The following DEPTOR variants were observed in gnomAD, a reference collection of about 807,000 sequenced individuals.
DEPTOR encodes the protein DEP domain-containing mTOR-interacting protein.
DEPTOR carries 41 observed loss-of-function variants against 41.6 expected under a neutral mutation model. That is an observed-to-expected ratio of 0.98 (90% CI 0.77 to 1.28). DEPTOR has a LOEUF of 1.28. DEPTOR is among the 50% of genes most tolerant of loss of function. The pLI, the probability that DEPTOR is intolerant of heterozygous loss-of-function variation, is 0.00. For synonymous variants in DEPTOR, 195 were observed against 192.3 expected (o/e 1.01, Z -0.12); for missense variants, 514 against 527.9 (o/e 0.97, Z 0.26).
chr8:120,029,608 C>T (rs1210460033), intron 8 of DEPTOR, among the ~76,000 whole-genome samples: 7 of 152,106 alleles, frequency 4.6e-5, no homozygotes, highest in Non-Finnish European at 8.8e-5. Flanking sequence ...ATTGGTCAGG[C>T]TGGTCTTGAA....
rs941174167 is a variant in DEPTOR at position 120,022,672 on chromosome 8, A to G, written c.1101+13539A>G. On this transcript the variant is annotated intron_variant, in intron 8 of 8. Coordinates refer to ENST00000286234, the MANE Select transcript of DEPTOR (RefSeq NM_022783.4). Reference sequence around the variant, plus strand: ...CTAGATAAGTCCTAAAATTGTCCCCACTTTTTGTTTTTTTATTTATTTAAT... The same window carrying G: ...CTAGATAAGTCCTAAAATTGTCCCCGCTTTTTGTTTTTTTATTTATTTAAT... 2.0e-5 allele frequency among the ~76,000 whole-genome samples: 3 copies of G among 149,650 alleles called. No individual in the cohort carries two copies. The East Asian group carries it at 5.9e-4, about 30-fold the overall frequency.
chr8:119,977,065 AT>A (rs1330421533), intron 4 of DEPTOR, among the ~76,000 whole-genome samples: 1 of 152,086 alleles, frequency 6.6e-6, no homozygotes, highest in African/African-American at 2.4e-5. Flanking sequence ...CAGGGGTGCA[AT>A]CTTGGCTCAC....
chr8:119,894,693 G>C (rs1163022311), intron 1 of DEPTOR, among the ~76,000 whole-genome samples: 1 of 152,142 alleles, frequency 6.6e-6, no homozygotes, highest in Non-Finnish European at 1.5e-5. Flanking sequence ...AACGCGCCTG[G>C]CCTCTAATAG....
chr8:119,968,388 A>G (rs950454634), intron 4 of DEPTOR, among the ~76,000 whole-genome samples: 1 of 150,938 alleles, frequency 6.6e-6, no homozygotes, highest in African/African-American at 2.4e-5. Context: ...ATCTCGGCTC[A>G]CTGCCACCTC....
rs369608431 is a variant in DEPTOR at position 119,896,851 on chromosome 8, AGAT to A, written c.122+22887_122+22889del. The stretch of plus-strand genomic sequence containing the variant: ...TGTTGGGCAAAAATTAAACTTACAT[AGAT>A]GATAATAATTGTGTCAACTACATAT... On this transcript the variant is annotated intron_variant, in intron 1 of 8. Coordinates refer to ENST00000286234, the MANE Select transcript of DEPTOR (RefSeq NM_022783.4). 4.0e-3 allele frequency among the ~76,000 whole-genome samples: 608 copies of A among 152,304 alleles called. 4 individuals are homozygous for A. Among genetic ancestry groups the A allele is most frequent in the African/African-American group, 0.013 (552 of 41,564 alleles).
intron 1 of DEPTOR, among the ~76,000 whole-genome samples, chr8:119,886,211 A>G (rs17220787): frequency 0.019 from 2,889 of 152,286 alleles, 42 homozygotes; most frequent in Admixed American, 0.033. Context: ...TTCATGTGCC[A>G]GCTCTTTTAT....
At chr8:119,924,801 A>G (rs1464276) in intron 1 of DEPTOR, among the ~76,000 whole-genome samples, 75,833 of 151,840 alleles carry the variant, frequency 0.5, 20,604 homozygotes, top group African/African-American at 0.7. Flanking sequence ...TAAACTGCAT[A>G]TTGCAGGGGT....
At chr8:120,035,065 T>C (rs952368265) in intron 8 of DEPTOR, among the ~76,000 whole-genome samples, 9 of 152,002 alleles carry the variant, frequency 5.9e-5, no homozygotes, top group African/African-American at 2.2e-4. Context: ...TGCCTGGAAT[T>C]CTAGCACTTT....
At chr8:119,960,819 A>C (rs575567708) in intron 3 of DEPTOR, among the ~76,000 whole-genome samples, 17 of 152,208 alleles carry the variant, frequency 1.1e-4, no homozygotes, top group African/African-American at 3.9e-4. Context: ...CCCCGTCTCT[A>C]CTAAAAATAC....
intron 1 of DEPTOR, among the ~76,000 whole-genome samples, chr8:119,887,828 T>C (rs1393997503): frequency 6.6e-6 from 1 of 151,558 alleles, no homozygotes; most frequent in African/African-American, 2.4e-5. Context: ...CTTTCTTTGT[T>C]TTGTTTTTTG....
intron 1 of DEPTOR, among the ~76,000 whole-genome samples, chr8:119,914,108 T>C (rs6469874): frequency 0.82 from 123,364 of 150,518 alleles, 50,881 homozygotes; most frequent in East Asian, 0.95. Flanking sequence ...TGCAGTGGCA[T>C]GATCTTGGCT....
At chr8:120,048,226 A>T (rs776786745) in intron 8 of DEPTOR, among the ~76,000 whole-genome samples, 17 of 152,258 alleles carry the variant, frequency 1.1e-4, no homozygotes, top group Non-Finnish European at 2.5e-4. Flanking sequence ...AAGACAAGGG[A>T]TTTGAAATTT....
intron 8 of DEPTOR, among the ~76,000 whole-genome samples, chr8:120,036,016 A>G (rs1812974600): frequency 1.3e-5 from 2 of 152,246 alleles, no homozygotes; most frequent in Admixed American, 1.3e-4. Context: ...GAGAATTCCC[A>G]GGAAGGCAAG....
At chr8:119,919,991 GATGCA>G (rs1396162496) in intron 1 of DEPTOR, among the ~76,000 whole-genome samples, 1 of 152,180 alleles carries the variant, frequency 6.6e-6, no homozygotes, top group East Asian at 1.9e-4. Context: ...GAAATGGTCT[GATGCA>G]ATTTCAGCAG....
At chr8:119,918,749 G>T (rs892231749) in intron 1 of DEPTOR, among the ~76,000 whole-genome samples, 1 of 151,976 alleles carries the variant, frequency 6.6e-6, no homozygotes, top group African/African-American at 2.4e-5. Flanking sequence ...GTGTGCCACC[G>T]CGCCCAGCCT....
chr8:119,932,347 C>A (rs1297654864), intron 3 of DEPTOR, among the ~76,000 whole-genome samples: 1 of 152,124 alleles, frequency 6.6e-6, no homozygotes, highest in Non-Finnish European at 1.5e-5. Context: ...GGGCAGGGAT[C>A]AGCTATAATT....
At chr8:119,926,766 C>T (rs1348939604) in intron 1 of DEPTOR, among the ~76,000 whole-genome samples, 1 of 152,156 alleles carries the variant, frequency 6.6e-6, no homozygotes, top group Non-Finnish European at 1.5e-5. Flanking sequence ...TATGTCCTTT[C>T]CTTAGCCAAT....
chr8:119,958,658 T>G (rs1828449349), intron 3 of DEPTOR, among the ~76,000 whole-genome samples: 1 of 152,042 alleles, frequency 6.6e-6, no homozygotes, highest in South Asian at 2.1e-4. Flanking sequence ...GGCATGCACC[T>G]GTAATCCCAG....
At chr8:119,951,513 G>A (rs888527792) in intron 3 of DEPTOR, among the ~76,000 whole-genome samples, 1 of 152,148 alleles carries the variant, frequency 6.6e-6, no homozygotes, top group African/African-American at 2.4e-5. Flanking sequence ...AAAACCCATG[G>A]GGAATGTGAA....
Sources: allele counts gnomAD v4.1 joint callset (sites outside exome capture counted in the v4.1 genomes callset), GRCh38; gene constraint gnomAD v4.1.1; transcripts MANE v1.5; gene names NCBI Gene and HGNC (gene_info 2026-07-23, HGNC 2026-07-21).